DOCK5: variants seen among roughly 807,000 people sequenced by gnomAD.
DOCK5 encodes the protein dedicator of cytokinesis protein 5.
A neutral mutation model predicts 251.8 loss-of-function variants in DOCK5; 142 were observed. The observed-to-expected ratio is 0.56, with a 90% confidence interval of 0.49 to 0.65. The LOEUF (loss-of-function observed/expected upper bound fraction) is 0.65, where lower values mean the gene tolerates loss of function less well. Ranked by LOEUF, DOCK5 falls within the 30% of genes least tolerant of loss-of-function variation. The pLI, the probability that DOCK5 is intolerant of heterozygous loss-of-function variation, is 0.00. For missense variants in DOCK5, 2,111 were observed against 2,312.3 expected (o/e 0.91, Z 1.79); for synonymous variants, 842 against 835.5 (o/e 1.01, Z -0.13).
intron 40 of DOCK5, among the ~76,000 whole-genome samples, chr8:25,388,069 C>A (rs1801196305): frequency 6.6e-6 from 1 of 152,068 alleles, no homozygotes; most frequent in Non-Finnish European, 1.5e-5. Context: ...GTTTTTACTC[C>A]CTTCATTCAG....
intron 2 of DOCK5, among the ~76,000 whole-genome samples, chr8:25,259,821 G>C (rs1337054835): frequency 6.6e-6 from 1 of 152,124 alleles, no homozygotes; most frequent in African/African-American, 2.4e-5. Flanking sequence ...CCAATATCTG[G>C]CTATCTCAAA....
At chr8:25,400,079 A>C in intron 46 of DOCK5, 85 bp downstream of exon 46, 1 of 1,022,130 alleles carries the variant, frequency 9.8e-7, no homozygotes, top group Non-Finnish European at 1.5e-6. Flanking sequence ...CTACAAGCCC[A>C]CTCAGGGTGA....
intron 6 of DOCK5, among the ~76,000 whole-genome samples, chr8:25,294,443 G>A (rs952860249): frequency 1.3e-5 from 2 of 152,226 alleles, no homozygotes; most frequent in Non-Finnish European, 2.9e-5. Context: ...TACCGGGAAT[G>A]CATGCTGGGT....
chr8:25,207,407 C>G (rs1020683154), intron 1 of DOCK5, among the ~76,000 whole-genome samples: 4 of 152,162 alleles, frequency 2.6e-5, no homozygotes, highest in African/African-American at 9.7e-5. Context: ...CTAGTACTTT[C>G]ATAGCTAGAG....
At chr8:25,402,002 A>C (rs1171851443) in intron 47 of DOCK5, among the ~76,000 whole-genome samples, 1 of 152,210 alleles carries the variant, frequency 6.6e-6, no homozygotes, top group African/African-American at 2.4e-5. Context: ...AGTTCAGTGG[A>C]TAGTGCGTGT....
chr8:25,263,610 A>G (rs889669587), intron 2 of DOCK5, among the ~76,000 whole-genome samples: 1 of 150,882 alleles, frequency 6.6e-6, no homozygotes, highest in African/African-American at 2.5e-5. Context: ...CCATGGGAAC[A>G]CCCCCCTCAC....
intron 11 of DOCK5, among the ~76,000 whole-genome samples, chr8:25,307,113 A>G (rs888132641): frequency 5.3e-5 from 8 of 152,004 alleles, no homozygotes; most frequent in African/African-American, 1.2e-4. Context: ...TTTCAGCTCC[A>G]TTAATAATCT....
intron 1 of DOCK5, among the ~76,000 whole-genome samples, chr8:25,220,569 G>A (rs139253446): frequency 0.011 from 1,642 of 152,178 alleles, 23 homozygotes; most frequent in African/African-American, 0.038. Context: ...GCTCTCCACA[G>A]GTACCGGGTG....
intron 13 of DOCK5, among the ~76,000 whole-genome samples, chr8:25,312,998 T>G (rs1051761144): frequency 6.6e-6 from 1 of 152,060 alleles, no homozygotes; most frequent in African/African-American, 2.4e-5. Flanking sequence ...CTAATCAAGA[T>G]CTCCTTGAAG....
chr8:25,404,537 C>G (rs1801492424), intron 48 of DOCK5, among the ~76,000 whole-genome samples: 1 of 152,194 alleles, frequency 6.6e-6, no homozygotes, highest in African/African-American at 2.4e-5. Context: ...AGCGTCATGT[C>G]AGCATTCAAA....
chr8:25,363,275 G>C (rs1800719339), intron 29 of DOCK5, 134 bp downstream of exon 29: 2 of 728,658 alleles, frequency 2.7e-6, no homozygotes, highest in East Asian at 5.2e-5. Flanking sequence ...CTGCTCCAGA[G>C]GTCCTAATTT....
In DOCK5 at chr8:25,368,641, A is replaced by G. The variant is rs200196261; in HGVS notation, c.3354A>G (p.Val1118=). The change falls in exon 33 of 52, where the codon GTA becomes GTG. Residue 1118 remains valine (V), a synonymous_variant. Transcript: ENST00000276440. Reference sequence around the variant, plus strand: ...TGGAGGTCACTCTGACCCCTGAAGTAGAGCTCCGGAAAGCCACAATCCCCA... The same window carrying G: ...TGGAGGTCACTCTGACCCCTGAAGTGGAGCTCCGGAAAGCCACAATCCCCA... ...PILEVTLTPE[V]ELRKATIPIF... 9 of 1,613,944 alleles carry G rather than the reference A, an allele frequency of 5.6e-6. No homozygotes were observed. The highest frequency in any genetic ancestry group is 7.6e-6 in the Non-Finnish European group (9 of 1,179,868).
chr8:25,298,446 T>A (rs1295717319), intron 7 of DOCK5, among the ~76,000 whole-genome samples: 1 of 152,346 alleles, frequency 6.6e-6, no homozygotes, highest in East Asian at 1.9e-4. Flanking sequence ...TGTTTGAATG[T>A]CTGGGATTCA....
intron 1 of DOCK5, among the ~76,000 whole-genome samples, chr8:25,241,328 A>G (rs1215738647): frequency 6.6e-6 from 1 of 152,100 alleles, no homozygotes; most frequent in Non-Finnish European, 1.5e-5. Context: ...CACAAAAAAA[A>G]TTAGCTGGGC....
intron 45 of DOCK5, among the ~76,000 whole-genome samples, chr8:25,396,309 A>G (rs1230747764): frequency 2.0e-5 from 3 of 152,184 alleles, no homozygotes; most frequent in Non-Finnish European, 4.4e-5. Flanking sequence ...TTAACCCCAG[A>G]GGCAAAGGTT....
rs571387237 is a variant in DOCK5, at chr8:25,359,512, A to G, written c.2949+451A>G. ...TTACAACTGGTCCGTGTGGCCTGTTAGGAACCTGGCCGCACAGCAGGACAT... is the reference window on the plus strand; with the variant it reads ...TTACAACTGGTCCGTGTGGCCTGTTGGGAACCTGGCCGCACAGCAGGACAT... On this transcript the variant is annotated intron_variant, in intron 28 of 51. Coordinates refer to ENST00000276440, the MANE Select transcript of DOCK5 (RefSeq NM_024940.8). Among the ~76,000 whole-genome samples the G allele has an allele frequency of 2.9e-4, 44 of 152,350 alleles. 1 individual carries two copies. The South Asian group carries it at 6.4e-3, about 22-fold the overall frequency.
intron 29 of DOCK5, among the ~76,000 whole-genome samples, chr8:25,364,048 C>A (rs1438453123): frequency 6.6e-6 from 1 of 152,182 alleles, no homozygotes; most frequent in Non-Finnish European, 1.5e-5. Context: ...CTGTGTCTTT[C>A]AACACAGACG....
chr8:25,211,712 G>A lies in DOCK5; in HGVS notation c.43+26761G>A, dbSNP rs184871747. Among the ~76,000 whole-genome samples, 2 of 69,730 alleles carry A rather than the reference G, an allele frequency of 2.9e-5. 1 individual carries two copies. Among genetic ancestry groups the A allele is most frequent in the Non-Finnish European group, 9.3e-5 (2 of 21,398 alleles). The allele number at this position is 69,730 out of a possible 152,430, so 45.7% of individuals were successfully genotyped here. On this transcript the variant is annotated intron_variant, in intron 1 of 51. Coordinates refer to ENST00000276440, the MANE Select transcript of DOCK5 (RefSeq NM_024940.8). ...AGTCCCAGCTACTCTGGAGGCTGAGGCGGGAGGATCGCTTGAGCCCAGGAG... is the reference window on the plus strand; with the variant it reads ...AGTCCCAGCTACTCTGGAGGCTGAGACGGGAGGATCGCTTGAGCCCAGGAG...
chr8:25,250,422 C>T (rs1467952400), intron 2 of DOCK5, among the ~76,000 whole-genome samples: 1 of 152,168 alleles, frequency 6.6e-6, no homozygotes, highest in African/African-American at 2.4e-5. Context: ...CACTGGCTTG[C>T]CCACAGTCAT....
Sources: gnomAD v4.1 joint callset for allele counts (sites outside exome capture counted in the v4.1 genomes callset) on GRCh38, gnomAD v4.1.1 for gene constraint, MANE v1.5 for transcripts, NCBI Gene and HGNC (gene_info 2026-07-23, HGNC 2026-07-21) for gene names.